SUMF1: variants seen among roughly 807,000 people sequenced by gnomAD.
The protein encoded by SUMF1 is formylglycine-generating enzyme.
Under a neutral mutation model 47.6 loss-of-function variants are expected in SUMF1, and 48 were observed. The ratio of observed to expected loss-of-function variants is 1.01; its 90% CI spans 0.80 to 1.28. SUMF1 has a LOEUF of 1.28. Among genes scored for constraint, SUMF1 ranks in the 50% most tolerant of loss-of-function variants. The probability of loss-of-function intolerance (pLI) is 0.00; values close to 1 mark genes in which losing one functional copy is unlikely to be tolerated. For missense variants in SUMF1, 571 were observed against 485.4 expected (o/e 1.18, Z -1.66); for synonymous variants, 230 against 192.1 (o/e 1.20, Z -1.63).
intron 8 of SUMF1, among the ~76,000 whole-genome samples, chr3:4,149,201 G>T (rs1480235400): frequency 1.3e-5 from 2 of 151,924 alleles, no homozygotes; most frequent in Non-Finnish European, 2.9e-5. Flanking sequence ...TCTTACTATG[G>T]GACTCATAAA....
intron 8 of SUMF1, among the ~76,000 whole-genome samples, chr3:4,237,350 T>C (rs1254703638): frequency 6.6e-6 from 1 of 152,140 alleles, no homozygotes; most frequent in Non-Finnish European, 1.5e-5. Context: ...TATCTCATTT[T>C]TTTAAATTTG....
chr3:4,174,793 G>A lies in SUMF1; in HGVS notation c.1015-106048C>T, dbSNP rs150935886. Among the ~76,000 whole-genome samples, 50 of 152,248 alleles carry A rather than the reference G, an allele frequency of 3.3e-4. No homozygotes were observed. In the East Asian group the frequency reaches 5.8e-3, roughly 18 times the overall value. On this transcript the variant is annotated intron_variant and NMD_transcript_variant, in intron 8 of 12. Coordinates refer to the SUMF1 transcript ENST00000448413. ...TTCTCTTTCCTAGCCAAGGGAAGCC[G>A]TGACAGACTACCTGGAAAAAAGGGA...
intron 8 of SUMF1, among the ~76,000 whole-genome samples, chr3:4,196,676 C>G (rs1046756167): frequency 2.6e-5 from 4 of 152,110 alleles, no homozygotes; most frequent in Non-Finnish European, 4.4e-5. Flanking sequence ...CCTTTTCCCT[C>G]TCTCTGGCCT....
At chr3:4,354,312 A>C (rs1308200482) in intron 8 of SUMF1, among the ~76,000 whole-genome samples, 1 of 152,230 alleles carries the variant, frequency 6.6e-6, no homozygotes, top group Non-Finnish European at 1.5e-5. Context: ...ATTAGCACTG[A>C]AGACACCACA....
intron 8 of SUMF1, among the ~76,000 whole-genome samples, chr3:4,248,436 A>G (rs903170618): frequency 8.5e-5 from 13 of 152,202 alleles, no homozygotes; most frequent in Admixed American, 7.9e-4. Context: ...AGTAGAGAAG[A>G]AAAGATACAA....
intron 3 of SUMF1, among the ~76,000 whole-genome samples, chr3:4,430,876 A>T (rs561070960): frequency 1.3e-5 from 2 of 152,248 alleles, no homozygotes; most frequent in Admixed American, 6.5e-5. Context: ...GGCATTCCAC[A>T]CAGGAGGCCA....
intron 8 of SUMF1, among the ~76,000 whole-genome samples, chr3:4,265,370 T>A (rs1244041433): frequency 6.6e-6 from 1 of 152,148 alleles, no homozygotes; most frequent in Non-Finnish European, 1.5e-5. Flanking sequence ...CCTATAGTTA[T>A]TTACAACAGT....
intron 8 of SUMF1, among the ~76,000 whole-genome samples, chr3:4,312,703 T>TAA (rs375529794): frequency 0.22 from 30,201 of 135,594 alleles, 3,526 homozygotes; most frequent in South Asian, 0.41. Context: ...CCCTGTCTCT[T>TAA]AAAAAAAAAA....
At chr3:4,261,676 G>A (rs996798218) in intron 8 of SUMF1, among the ~76,000 whole-genome samples, 1 of 152,176 alleles carries the variant, frequency 6.6e-6, no homozygotes, top group Non-Finnish European at 1.5e-5. Flanking sequence ...CAATGCCAGA[G>A]TCAGGAGCGT....
intron 9 of SUMF1, among the ~76,000 whole-genome samples, chr3:4,039,866 T>C (rs541682117): frequency 2.0e-5 from 3 of 151,864 alleles, no homozygotes; most frequent in African/African-American, 4.8e-5. Flanking sequence ...ACAAAAAAAA[T>C]TTTCAAATTC....
At chr3:4,310,881 G>T (rs1269327170) in intron 8 of SUMF1, among the ~76,000 whole-genome samples, 2 of 152,050 alleles carry the variant, frequency 1.3e-5, no homozygotes, top group South Asian at 2.1e-4. Context: ...TTAACAAAGA[G>T]ATCTTCATTT....
At chr3:4,170,800 T>G (rs1694817218) in intron 8 of SUMF1, among the ~76,000 whole-genome samples, 1 of 152,168 alleles carries the variant, frequency 6.6e-6, no homozygotes, top group South Asian at 2.1e-4. Flanking sequence ...AAAAACGAAC[T>G]TTGATTCATT....
intron 7 of SUMF1, among the ~76,000 whole-genome samples, chr3:4,399,498 A>G (rs1212785624): frequency 6.6e-6 from 1 of 152,186 alleles, no homozygotes; most frequent in Non-Finnish European, 1.5e-5. Context: ...TGGAATATAT[A>G]TGTTTATTAA....
chr3:4,176,182 A>G (rs1017534927), intron 8 of SUMF1, among the ~76,000 whole-genome samples: 2 of 152,160 alleles, frequency 1.3e-5, no homozygotes, highest in Non-Finnish European at 2.9e-5. Flanking sequence ...CAGGAAATAC[A>G]GAGAACACCA....
chr3:4,149,138 T>G (rs1694260340), intron 8 of SUMF1, among the ~76,000 whole-genome samples: 1 of 152,112 alleles, frequency 6.6e-6, no homozygotes, highest in Admixed American at 6.6e-5. Flanking sequence ...CATGAGCGTT[T>G]TGCCCTACAG....
At chr3:4,420,483 G>A (rs551387936) in intron 3 of SUMF1, among the ~76,000 whole-genome samples, 1 of 147,272 alleles carries the variant, frequency 6.8e-6, no homozygotes, top group East Asian at 2.0e-4. Context: ...TGCAACCTCC[G>A]CCTCCCAGGT....
chr3:4,187,764 G>C (rs1695232435), intron 8 of SUMF1, among the ~76,000 whole-genome samples: 1 of 152,136 alleles, frequency 6.6e-6, no homozygotes, highest in South Asian at 2.1e-4. Context: ...CTATTGATTA[G>C]TAAATTTCTT....
In SUMF1 at chr3:4,109,776, C is replaced by T. The variant is rs148249513; in HGVS notation, c.1015-41031G>A. On this transcript the variant is annotated intron_variant and NMD_transcript_variant, in intron 8 of 12. Transcript: ENST00000448413. ...CTTGTGCCATGGTTTTCAGCTCCATCAGGTCATTTAAGGACTTCTCTGCAT... is the reference window on the plus strand; with the variant it reads ...CTTGTGCCATGGTTTTCAGCTCCATTAGGTCATTTAAGGACTTCTCTGCAT... Among the ~76,000 whole-genome samples the T allele has an allele frequency of 8.3e-3, 1,261 of 152,260 alleles. 24 individuals carry two copies. Among genetic ancestry groups the T allele is most frequent in the African/African-American group, 0.029 (1,213 of 41,530 alleles).
chr3:4,319,182 T>G (rs1288162765), intron 8 of SUMF1, among the ~76,000 whole-genome samples: 3 of 152,184 alleles, frequency 2.0e-5, no homozygotes, highest in Non-Finnish European at 4.4e-5. Flanking sequence ...ACAGCCTCTT[T>G]AGAAGACAGT....
Sources: gnomAD v4.1 joint callset for allele counts (sites outside exome capture counted in the v4.1 genomes callset) on GRCh38, gnomAD v4.1.1 for gene constraint, MANE v1.5 for transcripts, NCBI Gene and HGNC (gene_info 2026-07-23, HGNC 2026-07-21) for gene names.